Variants in DLGAP1 observed in about 807,000 individuals in gnomAD.
DLGAP1 encodes the protein DLG associated protein 1, also known as disks large-associated protein 1.
A neutral mutation model predicts 90.8 loss-of-function variants in DLGAP1; 11 were observed. That is an observed-to-expected ratio of 0.12 (90% CI 0.08 to 0.20). The LOEUF (loss-of-function observed/expected upper bound fraction) is 0.20, where lower values mean the gene tolerates loss of function less well. Among genes scored for constraint, DLGAP1 ranks in the 10% least tolerant of loss-of-function variants. DLGAP1 has a pLI of 1.00. For missense variants in DLGAP1, 1,050 were observed against 1,333.8 expected (o/e 0.79, Z 3.31); for synonymous variants, 558 against 540.7 (o/e 1.03, Z -0.44).
intron 1 of DLGAP1, among the ~76,000 whole-genome samples, chr18:4,371,807 G>A (rs1280076538): frequency 1.3e-5 from 2 of 152,176 alleles, no homozygotes; most frequent in Non-Finnish European, 2.9e-5. Flanking sequence ...CCTTCAGCAA[G>A]CCCTTTTGCT....
chr18:4,077,713 A>T (rs1242468179), intron 2 of DLGAP1, among the ~76,000 whole-genome samples: 1 of 152,202 alleles, frequency 6.6e-6, no homozygotes, highest in Non-Finnish European at 1.5e-5. Context: ...CCCAGATATT[A>T]GAATTATGGG....
At chr18:3,601,101 T>G (rs1364608042) in intron 7 of DLGAP1, among the ~76,000 whole-genome samples, 1 of 150,962 alleles carries the variant, frequency 6.6e-6, no homozygotes, top group Non-Finnish European at 1.5e-5. Flanking sequence ...TATATATATT[T>G]TTTGAGACAG....
intron 1 of DLGAP1, among the ~76,000 whole-genome samples, chr18:4,270,616 C>T (rs1250800483): frequency 2.6e-5 from 4 of 152,088 alleles, no homozygotes; most frequent in African/African-American, 9.7e-5. Flanking sequence ...ATAAAGAACA[C>T]TTACAAGAAA....
At chr18:4,376,129 T>A (rs2082009559) in intron 1 of DLGAP1, among the ~76,000 whole-genome samples, 1 of 152,188 alleles carries the variant, frequency 6.6e-6, no homozygotes, top group Non-Finnish European at 1.5e-5. Flanking sequence ...AAAGCCATCA[T>A]GAACTTAAAT....
At chr18:4,309,126 G>C (rs976975701) in intron 1 of DLGAP1, among the ~76,000 whole-genome samples, 8 of 152,188 alleles carry the variant, frequency 5.3e-5, no homozygotes, top group Non-Finnish European at 1.5e-5. Context: ...CAACACACAT[G>C]GCTTTGCTTT....
intron 7 of DLGAP1, among the ~76,000 whole-genome samples, chr18:3,656,757 G>C (rs1392723905): frequency 6.6e-6 from 1 of 151,230 alleles, no homozygotes; most frequent in East Asian, 1.9e-4. Context: ...TTTTGAGACA[G>C]AGTCTCGCTC....
At chr18:3,744,540 C>T (rs1435528756) in intron 5 of DLGAP1, among the ~76,000 whole-genome samples, 2 of 152,062 alleles carry the variant, frequency 1.3e-5, no homozygotes, top group African/African-American at 4.8e-5. Flanking sequence ...GTAATTGCGA[C>T]AAAAATCTCC....
At chr18:3,684,356 A>ATTT (rs71160911) in intron 7 of DLGAP1, among the ~76,000 whole-genome samples, 1,511 of 109,218 alleles carry the variant, frequency 0.014, 48 homozygotes, top group African/African-American at 0.052. Flanking sequence ...TGCCTGGCTA[A>ATTT]TTTTTTTTTT....
intron 3 of DLGAP1, among the ~76,000 whole-genome samples, chr18:3,960,883 G>A (rs780918897): frequency 2.6e-5 from 4 of 152,314 alleles, no homozygotes; most frequent in Non-Finnish European, 4.4e-5. Flanking sequence ...ATGGTGTCAC[G>A]GCTGACCTTG....
chr18:3,583,184 A>ACCTACCTTCCTTCCTTCCTT (rs1555688608), intron 7 of DLGAP1, among the ~76,000 whole-genome samples: 4 of 127,704 alleles, frequency 3.1e-5, no homozygotes, highest in Admixed American at 1.6e-4. Flanking sequence ...CTACCTACCT[A>ACCTACCTTCCTTCCTTCCTT]CCTTCCTTCC....
At chr18:3,897,946 C>T (rs1394674784) in intron 3 of DLGAP1, among the ~76,000 whole-genome samples, 7 of 151,734 alleles carry the variant, frequency 4.6e-5, no homozygotes, top group East Asian at 2.0e-4. Context: ...AGGCGCCCGC[C>T]ACCGCGCCCG....
rs576004752 is a variant in DLGAP1, at chr18:4,320,132, T to C, written c.-267+134874A>G. ...TAGGGGCATTTCCCCCTAAACATCATGCTTTGAAAGGAGGCAATTATGAGA... is the reference window on the plus strand; with the variant it reads ...TAGGGGCATTTCCCCCTAAACATCACGCTTTGAAAGGAGGCAATTATGAGA... On this transcript the variant is annotated intron_variant, in intron 1 of 12. Coordinates refer to ENST00000315677, the MANE Select transcript of DLGAP1 (RefSeq NM_004746.4). 6.1e-4 allele frequency among the ~76,000 whole-genome samples: 93 copies of C among 152,310 alleles called. 1 individual carries two copies. The highest frequency in any genetic ancestry group is 2.2e-3 in the African/African-American group (90 of 41,572).
intron 1 of DLGAP1, among the ~76,000 whole-genome samples, chr18:4,212,439 G>A (rs2077862285): frequency 6.6e-6 from 1 of 151,900 alleles, no homozygotes; most frequent in East Asian, 1.9e-4. Context: ...GCTGAGGTGG[G>A]TGGATCACTT....
intron 1 of DLGAP1, among the ~76,000 whole-genome samples, chr18:4,200,157 A>G (rs2077580727): frequency 6.6e-6 from 1 of 152,090 alleles, no homozygotes; most frequent in Non-Finnish European, 1.5e-5. Flanking sequence ...TTCCTCCTCA[A>G]TATTTCTAAT....
intron 1 of DLGAP1, among the ~76,000 whole-genome samples, chr18:4,346,756 G>A (rs1336351289): frequency 1.3e-5 from 2 of 151,996 alleles, no homozygotes; most frequent in Non-Finnish European, 2.9e-5. Flanking sequence ...CATTATTTCT[G>A]TATATCATTT....
At chr18:4,251,302 C>G (rs1359606290) in intron 1 of DLGAP1, among the ~76,000 whole-genome samples, 1 of 152,140 alleles carries the variant, frequency 6.6e-6, no homozygotes, top group Non-Finnish European at 1.5e-5. Context: ...ACTTTTAAAG[C>G]TGGAAGGTCT....
rs114864770 is a variant in DLGAP1 at position 4,002,700 on chromosome 18, A to T, written c.-73+2416T>A. 3.0e-3 allele frequency among the ~76,000 whole-genome samples: 454 copies of T among 152,244 alleles called. 4 individuals carry two copies. Among genetic ancestry groups the T allele is most frequent in the African/African-American group, 0.011 (440 of 41,540 alleles). Reference sequence around the variant, plus strand: ...GTAGTTTCGTTTCTGGAGAGTCAAAAATTAAACAGAATTGTGACCCTTTGG... The same window carrying T: ...GTAGTTTCGTTTCTGGAGAGTCAAATATTAAACAGAATTGTGACCCTTTGG... On this transcript the variant is annotated intron_variant, in intron 3 of 12. Coordinates refer to ENST00000315677, the MANE Select transcript of DLGAP1 (RefSeq NM_004746.4).
At chr18:4,336,398 A>G (rs1169718485) in intron 1 of DLGAP1, among the ~76,000 whole-genome samples, 1 of 152,262 alleles carries the variant, frequency 6.6e-6, no homozygotes, top group African/African-American at 2.4e-5. Flanking sequence ...ACTGTGGAAG[A>G]AGCTGGTCTG....
At chr18:4,343,202 G>A (rs2081233519) in intron 1 of DLGAP1, among the ~76,000 whole-genome samples, 1 of 151,822 alleles carries the variant, frequency 6.6e-6, no homozygotes, top group African/African-American at 2.4e-5. Flanking sequence ...AGCTACTCGG[G>A]AGGCTGAGGC....
Sources: allele counts gnomAD v4.1 joint callset (sites outside exome capture counted in the v4.1 genomes callset), GRCh38; gene constraint gnomAD v4.1.1; transcripts MANE v1.5; gene names NCBI Gene and HGNC (gene_info 2026-07-23, HGNC 2026-07-21).